The following GDPD5 variants were observed in gnomAD, a reference collection of about 807,000 sequenced individuals.
GDPD5 encodes glycerophosphodiester phosphodiesterase domain containing 5, also known as glycerophosphodiester phosphodiesterase 2.
In GDPD5, 48 loss-of-function variants were observed where a neutral mutation model predicts 75.1. That is an observed-to-expected ratio of 0.64 (90% CI 0.51 to 0.81). GDPD5 has a LOEUF of 0.81. Ranked by LOEUF, GDPD5 falls within the 40% of genes least tolerant of loss-of-function variation. The pLI, the probability that GDPD5 is intolerant of heterozygous loss-of-function variation, is 0.00. For missense variants in GDPD5, 706 were observed against 822.6 expected (o/e 0.86, Z 1.73); for synonymous variants, 336 against 339.0 (o/e 0.99, Z 0.10).
At chr11:75,506,114 C>T (rs1038779826) in intron 1 of GDPD5, among the ~76,000 whole-genome samples, 3 of 152,200 alleles carry the variant, frequency 2.0e-5, no homozygotes, top group East Asian at 3.9e-4. Context: ...GGCAAGAGCA[C>T]AAAATGCTGA....
intron 1 of GDPD5, among the ~76,000 whole-genome samples, chr11:75,523,750 C>T (rs375731877): frequency 3.7e-4 from 57 of 152,324 alleles, no homozygotes; most frequent in African/African-American, 1.4e-3. Context: ...ATTTGAAGCC[C>T]CAGACAGAGG....
chr11:75,503,635 T>C (rs896793036), intron 1 of GDPD5, among the ~76,000 whole-genome samples: 2 of 152,062 alleles, frequency 1.3e-5, no homozygotes, highest in Admixed American at 6.6e-5. Context: ...AAGGAAGGAA[T>C]AGGCAAATGA....
At chr11:75,476,140 T>G (rs1439860113) in intron 3 of GDPD5, among the ~76,000 whole-genome samples, 1 of 152,196 alleles carries the variant, frequency 6.6e-6, no homozygotes, top group African/African-American at 2.4e-5. Flanking sequence ...CACCAGTGGC[T>G]GCTGGACCTC....
At chr11:75,455,295 G>C (rs1261962987) in intron 6 of GDPD5, 2 of 455,222 alleles carry the variant, frequency 4.4e-6, no homozygotes, top group Non-Finnish European at 8.8e-6. Flanking sequence ...TCAAATGCCA[G>C]CTTTGCAGCC....
At chr11:75,464,829 C>G (rs1949484275) in intron 3 of GDPD5, among the ~76,000 whole-genome samples, 1 of 152,070 alleles carries the variant, frequency 6.6e-6, no homozygotes, top group Admixed American at 6.5e-5. Flanking sequence ...AGGAGCAGGG[C>G]AGGACATGTG....
At chr11:75,453,772 T>C (rs1005072296) in intron 6 of GDPD5, among the ~76,000 whole-genome samples, 1 of 152,056 alleles carries the variant, frequency 6.6e-6, no homozygotes, top group Non-Finnish European at 1.5e-5. Context: ...AAAAATAGCA[T>C]CTCAAATGAA....
intron 9 of GDPD5, among the ~76,000 whole-genome samples, chr11:75,447,736 G>C (rs907353740): frequency 3.9e-5 from 6 of 152,118 alleles, no homozygotes; most frequent in Non-Finnish European, 7.4e-5. Context: ...AGACAGGAGG[G>C]GCCATCGTTT....
chr11:75,444,358 G>A, intron 10 of GDPD5, 55 bp downstream of exon 10: 1 of 1,317,326 alleles, frequency 7.6e-7, no homozygotes, highest in Non-Finnish European at 1.1e-6. Context: ...GACCCAGGTG[G>A]ATGCCGAAGC....
chr11:75,441,732 G>A lies in GDPD5; in HGVS notation c.1239C>T (p.Gly413=). ...KVAPGFQQTS[G]SKEAVASLRR... ...GCAGGCTGGCGACTGCCTCCTTGGAGCCTGATGTCTGTTGGAAGCCGGGAG... is the reference window on the plus strand; with the variant it reads ...GCAGGCTGGCGACTGCCTCCTTGGAACCTGATGTCTGTTGGAAGCCGGGAG... The change falls in exon 13 of 17, where the codon GGC becomes GGT. Residue 413 remains glycine (G), a synonymous_variant. Coordinates refer to ENST00000336898, the MANE Select transcript of GDPD5 (RefSeq NM_030792.8). 6.2e-7 allele frequency: 1 copy of A among 1,611,824 alleles called. No individual in the cohort carries two copies. The highest frequency in any genetic ancestry group is 1.3e-5 in the African/African-American group (1 of 75,032).
chr11:75,441,517 T>A, intron 13 of GDPD5, 129 bp downstream of exon 13: 1 of 1,148,566 alleles, frequency 8.7e-7, no homozygotes, highest in Non-Finnish European at 1.2e-6. Context: ...GCCTGATTCC[T>A]CTGTGTGCCC....
At chr11:75,482,212 T>G (rs1404715734) in intron 2 of GDPD5, among the ~76,000 whole-genome samples, 1 of 152,174 alleles carries the variant, frequency 6.6e-6, no homozygotes, top group Non-Finnish European at 1.5e-5. Context: ...GCATGCGTCA[T>G]GCCTCGGCCC....
intron 1 of GDPD5, among the ~76,000 whole-genome samples, chr11:75,510,930 G>C (rs72989924): frequency 6.6e-6 from 1 of 152,202 alleles, no homozygotes; most frequent in Non-Finnish European, 1.5e-5. Flanking sequence ...CCAAAGCAAC[G>C]ACCCAGAGCA....
At chr11:75,484,919 C>T (rs1949992661) in intron 2 of GDPD5, among the ~76,000 whole-genome samples, 1 of 152,022 alleles carries the variant, frequency 6.6e-6, no homozygotes, top group African/African-American at 2.4e-5. Context: ...GAGCAAAGGC[C>T]AATGGTCTTA....
At chr11:75,497,936 T>C (rs553149664) in intron 1 of GDPD5, among the ~76,000 whole-genome samples, 136 of 152,340 alleles carry the variant, frequency 8.9e-4, no homozygotes, top group Non-Finnish European at 1.6e-3. Context: ...ATTAACACCA[T>C]GTTACAATCT....
chr11:75,483,252 C>T lies in GDPD5; in HGVS notation c.-60-5457G>A, dbSNP rs561112048. ...CCTGATGTCCAAGGCCCCTCCCCAGCCCAAAGTCCTATTTTCTGTCAGAAT... is the reference window on the plus strand; with the variant it reads ...CCTGATGTCCAAGGCCCCTCCCCAGTCCAAAGTCCTATTTTCTGTCAGAAT... On this transcript the variant is annotated intron_variant, in intron 2 of 16. Transcript: ENST00000336898. Among the ~76,000 whole-genome samples, 6 of 152,332 alleles carry T rather than the reference C, an allele frequency of 3.9e-5. No individual in the cohort carries two copies. In the South Asian group the frequency reaches 1.2e-3, roughly 32 times the overall value.
At chr11:75,524,893 T>A (rs1213155177) in intron 1 of GDPD5, among the ~76,000 whole-genome samples, 1 of 152,116 alleles carries the variant, frequency 6.6e-6, no homozygotes, top group Non-Finnish European at 1.5e-5. Flanking sequence ...GCTTCCCCAG[T>A]CTCCTCCCCG....
chr11:75,459,799 G>A (rs1311713974), intron 4 of GDPD5, among the ~76,000 whole-genome samples: 3 of 135,622 alleles, frequency 2.2e-5, no homozygotes, highest in Non-Finnish European at 4.6e-5. Context: ...GACAGAGCGA[G>A]ACTGTCTCAA....
chr11:75,484,869 G>A (rs1035365815), intron 2 of GDPD5, among the ~76,000 whole-genome samples: 46 of 152,172 alleles, frequency 3.0e-4, no homozygotes, highest in African/African-American at 1.1e-3. Context: ...GTACTGTGCT[G>A]AGCATTGCAT....
At chr11:75,449,143 G>C in intron 8 of GDPD5, 21 bp from the exon 9 acceptor site, 1 of 1,556,914 alleles carries the variant, frequency 6.4e-7, no homozygotes, top group Non-Finnish European at 8.7e-7. Flanking sequence ...GGGGCCGTGA[G>C]TGCTGCCTGG....
Sources: gnomAD v4.1 joint callset for allele counts (sites outside exome capture counted in the v4.1 genomes callset) on GRCh38, gnomAD v4.1.1 for gene constraint, MANE v1.5 for transcripts, NCBI Gene and HGNC (gene_info 2026-07-23, HGNC 2026-07-21) for gene names.